The following TENM2 variants were observed in gnomAD, a reference collection of about 807,000 sequenced individuals.
TENM2 encodes teneurin-2.
A neutral mutation model predicts 245.2 loss-of-function variants in TENM2; 52 were observed. The ratio of observed to expected loss-of-function variants is 0.21; its 90% CI spans 0.17 to 0.27. TENM2 has a LOEUF of 0.27. TENM2 is among the 10% of genes least tolerant of loss of function. The pLI is 1.00. For synonymous variants in TENM2, 1,363 were observed against 1,438.9 expected, an observed-to-expected ratio of 0.95 and a Z score of 1.19; for missense variants, 3,046 against 3,666.8, an observed-to-expected ratio of 0.83 and a Z score of 4.37.
At chr5:167,040,893 T>C in the TENM2 span, among the ~76,000 whole-genome samples, 1 of 152,192 alleles carries the variant, frequency 6.6e-6, no homozygotes, top group East Asian at 1.9e-4. Context: ...GTAAATTGTG[T>C]CTGTATATCA....
chr5:167,724,545 G>C (rs774910438), intron 2 of TENM2, among the ~76,000 whole-genome samples: 3 of 152,182 alleles, frequency 2.0e-5, no homozygotes, highest in Non-Finnish European at 4.4e-5. Context: ...GAAGACAGTA[G>C]AGTAGGAAGG....
chr5:168,090,321 G>A (rs1231792450), intron 7 of TENM2, among the ~76,000 whole-genome samples: 1 of 151,470 alleles, frequency 6.6e-6, no homozygotes, highest in African/African-American at 2.4e-5. Flanking sequence ...TTGGATTTCA[G>A]GATAACAGAC....
At chr5:167,753,702 A>G (rs1456187522) in intron 2 of TENM2, among the ~76,000 whole-genome samples, 1 of 152,190 alleles carries the variant, frequency 6.6e-6, no homozygotes, top group East Asian at 1.9e-4. Flanking sequence ...TGAATGTCCT[A>G]TCGTCAATTT....
At chr5:167,601,420 G>T (rs1184524159) in intron 2 of TENM2, among the ~76,000 whole-genome samples, 1 of 152,204 alleles carries the variant, frequency 6.6e-6, no homozygotes. Context: ...GGACAATGCT[G>T]GTCTACAATG....
intron 9 of TENM2, among the ~76,000 whole-genome samples, chr5:168,112,338 G>A (rs948725465): frequency 2.0e-5 from 3 of 151,756 alleles, no homozygotes; most frequent in East Asian, 3.9e-4. Context: ...TAAGCCTAGC[G>A]CCCACTAGTT....
intron 2 of TENM2, among the ~76,000 whole-genome samples, chr5:167,640,840 TCC>T (rs1491557167): frequency 2.8e-4 from 7 of 25,270 alleles, no homozygotes; most frequent in African/African-American, 9.5e-4. Flanking sequence ...AATATATATA[TCC>T]ATATATATAT....
intron 2 of TENM2, among the ~76,000 whole-genome samples, chr5:167,578,656 T>C (rs549682765): frequency 1.3e-5 from 2 of 152,326 alleles, no homozygotes; most frequent in South Asian, 2.1e-4. Context: ...TGGATTTTTA[T>C]GATCTTTAAG....
chr5:168,003,692 T>G (rs1036484144), intron 5 of TENM2, among the ~76,000 whole-genome samples: 1 of 152,190 alleles, frequency 6.6e-6, no homozygotes, highest in Admixed American at 6.5e-5. Flanking sequence ...CCACCTCATC[T>G]TACATCATTA....
chr5:168,215,318 C>T, intron 21 of TENM2, 46 bp downstream of exon 23: 1 of 1,531,504 alleles, frequency 6.5e-7, no homozygotes, highest in Non-Finnish European at 9.0e-7. Context: ...TAAAGCTTTG[C>T]CACCAGCTTG....
chr5:168,190,497 A>G, exon 14 of TENM2: 1 of 1,614,020 alleles, frequency 6.2e-7, no homozygotes. Flanking sequence ...AGCTCTTGGC[A>G]GGCAAGGATA....
chr5:167,274,308 C>T, the TENM2 span, among the ~76,000 whole-genome samples: 1 of 152,092 alleles, frequency 6.6e-6, no homozygotes, highest in African/African-American at 2.4e-5. Flanking sequence ...TCTGATGATT[C>T]ATACTGATTG....
intron 2 of TENM2, among the ~76,000 whole-genome samples, chr5:167,499,242 A>G (rs1258402747): frequency 6.6e-6 from 1 of 151,994 alleles, no homozygotes; most frequent in African/African-American, 2.4e-5. Flanking sequence ...TTTTCCATGT[A>G]CTGTATCAGG....
At chr5:167,862,253 G>C (rs930992785) in intron 2 of TENM2, among the ~76,000 whole-genome samples, 1 of 152,114 alleles carries the variant, frequency 6.6e-6, no homozygotes, top group African/African-American at 2.4e-5. Context: ...GTGTGTGTGT[G>C]TGTGTGTGTG....
chr5:167,180,103 CTTTTTTT>C, the TENM2 span, among the ~76,000 whole-genome samples: 6 of 114,960 alleles, frequency 5.2e-5, no homozygotes, highest in African/African-American at 2.5e-4. Context: ...TAAGTGCTTC[CTTTTTTT>C]TTTTTTTTTT....
At chr5:167,659,918 G>A (rs1755095769) in intron 2 of TENM2, 2 of 152,078 alleles carry the variant, frequency 1.3e-5, no homozygotes, top group Non-Finnish European at 2.9e-5. Context: ...TCAGTGCCTA[G>A]AACTTATTTA....
chr5:167,920,272 A>C (rs1276811530), intron 3 of TENM2, among the ~76,000 whole-genome samples: 12 of 150,714 alleles, frequency 8.0e-5, no homozygotes, highest in African/African-American at 3.0e-4. Flanking sequence ...AGGGTGGATC[A>C]TCTGAGGTCA....
intron 2 of TENM2, among the ~76,000 whole-genome samples, chr5:167,529,285 C>T (rs548589160): frequency 3.0e-4 from 46 of 152,228 alleles, no homozygotes; most frequent in Admixed American, 1.0e-3. Flanking sequence ...CTGAGCCAGA[C>T]TCTTGGTCCT....
intron 1 of TENM2, among the ~76,000 whole-genome samples, chr5:167,293,011 C>G (rs1754727011): frequency 6.6e-6 from 1 of 152,128 alleles, no homozygotes; most frequent in Non-Finnish European, 1.5e-5. Flanking sequence ...GTTGGATGAG[C>G]TAGAGTGGCA....
At chr5:167,124,897 C>G in the TENM2 span, among the ~76,000 whole-genome samples, 1 of 152,152 alleles carries the variant, frequency 6.6e-6, no homozygotes, top group African/African-American at 2.4e-5. Context: ...CAGCAACGTT[C>G]TACAGAGACT....
Sources: allele counts gnomAD v4.1 joint callset (sites outside exome capture counted in the v4.1 genomes callset), GRCh38; gene constraint gnomAD v4.1.1; transcripts MANE v1.5; gene names NCBI Gene and HGNC (gene_info 2026-07-23, HGNC 2026-07-21).